NELL2: variants seen among roughly 807,000 people sequenced by gnomAD.
NELL2 encodes the protein protein kinase C-binding protein NELL2.
In NELL2, 41 loss-of-function variants were observed where a neutral mutation model predicts 109.6. The observed-to-expected ratio is 0.37, with a 90% CI of 0.29 to 0.49. The LOEUF is 0.49. Among genes scored for constraint, NELL2 ranks in the 20% least tolerant of loss-of-function variants. The pLI is 0.98. For missense variants in NELL2, 900 were observed against 1,008.3 expected, an observed-to-expected ratio of 0.89 and a Z score of 1.45; for synonymous variants, 355 against 344.7, an observed-to-expected ratio of 1.03 and a Z score of -0.33.
At chr12:44,634,656 A>G (rs1241333297) in intron 13 of NELL2, among the ~76,000 whole-genome samples, 2 of 152,224 alleles carry the variant, frequency 1.3e-5, no homozygotes, top group Non-Finnish European at 2.9e-5. Context: ...TCTTTATATT[A>G]GAATGATTAA....
At chr12:44,679,430 A>C (rs542197418) in intron 12 of NELL2, among the ~76,000 whole-genome samples, 5 of 152,246 alleles carry the variant, frequency 3.3e-5, no homozygotes, top group African/African-American at 1.2e-4. Context: ...ACAGGACTCA[A>C]AGCATGAACA....
rs185201260 is a variant in NELL2, at chr12:44,905,007, C to T, written c.38+8792G>A. On this transcript the variant is annotated intron_variant, in intron 1 of 20. Coordinates refer to the NELL2 transcript ENST00000333837. ...ACAAAAGTAACCTGAACACCAATGACTGGACCAAATTTTCTTCAACTTTAT... is the reference window on the plus strand; with the variant it reads ...ACAAAAGTAACCTGAACACCAATGATTGGACCAAATTTTCTTCAACTTTAT... 7.2e-5 allele frequency among the ~76,000 whole-genome samples: 11 copies of T among 152,168 alleles called. No homozygotes were observed. In the East Asian group the frequency reaches 1.5e-3, roughly 21 times the overall value.
At chr12:44,734,848 T>A (rs1054192383) in intron 9 of NELL2, among the ~76,000 whole-genome samples, 1 of 152,058 alleles carries the variant, frequency 6.6e-6, no homozygotes, top group Non-Finnish European at 1.5e-5. Context: ...TCACTATTTA[T>A]AACTAATTTT....
chr12:44,894,971 T>A (rs1173899567), intron 1 of NELL2, among the ~76,000 whole-genome samples: 1 of 152,226 alleles, frequency 6.6e-6, no homozygotes, highest in Non-Finnish European at 1.5e-5. Flanking sequence ...ATTCTCCCTT[T>A]ATATGCATCA....
At chr12:44,845,052 C>A (rs1443059432) in intron 2 of NELL2, among the ~76,000 whole-genome samples, 1 of 152,108 alleles carries the variant, frequency 6.6e-6, no homozygotes, top group African/African-American at 2.4e-5. Context: ...TCCCAAAATT[C>A]CAATATAGTT....
In NELL2 at chr12:44,875,220, C is replaced by T; in HGVS notation, c.184+5G>A. ...CACAGTGGGGATGCAGCACGCCGGG[C>T]ATACCTTGAAAGAGAAAGGCTTTCG... On this transcript the variant is annotated splice_donor_5th_base_variant and intron_variant, in intron 2 of 19. Coordinates refer to ENST00000429094, the MANE Select transcript of NELL2 (RefSeq NM_001145108.2). The T allele has an allele frequency of 1.2e-6, 2 of 1,608,326 alleles. No individual in the cohort carries two copies. The highest frequency in any genetic ancestry group is 1.7e-6 in the Non-Finnish European group (2 of 1,176,036).
intron 1 of NELL2, among the ~76,000 whole-genome samples, chr12:44,919,142 C>A (rs1282678961): frequency 1.3e-5 from 2 of 152,048 alleles, no homozygotes; most frequent in African/African-American, 4.8e-5. Context: ...CTACTTGTAG[C>A]CACAAACATC....
At chr12:44,636,863 C>T (rs1168933794) in intron 13 of NELL2, among the ~76,000 whole-genome samples, 2 of 151,450 alleles carry the variant, frequency 1.3e-5, no homozygotes, top group African/African-American at 4.8e-5. Context: ...TAGAATCCTG[C>T]TTTGATTCCG....
At chr12:44,715,554 C>T (rs1938440102) in intron 9 of NELL2, among the ~76,000 whole-genome samples, 2 of 151,956 alleles carry the variant, frequency 1.3e-5, no homozygotes, top group African/African-American at 4.8e-5. Flanking sequence ...CTAATGATGC[C>T]TAATTTTCAG....
In NELL2 at chr12:44,875,859, C is replaced by CGA; in HGVS notation, c.9_10dup (p.Arg4LeufsTer5). On this transcript the variant is annotated frameshift_variant, in exon 1 of 20. Transcript: ENST00000429094. LOFTEE classifies it high-confidence loss of function. ...CAAACAGAATGTTCTCAGTAAGACCCGAGACTCCATGGTGCGGATCAGCTC... is the reference window on the plus strand; with the variant it reads ...CAAACAGAATGTTCTCAGTAAGACCCGAGAGACTCCATGGTGCGGATCAGCTC... 1 of 1,613,962 alleles carries CGA rather than the reference C, an allele frequency of 6.2e-7. No individual in the cohort carries two copies. Among genetic ancestry groups the CGA allele is most frequent in the Non-Finnish European group, 8.5e-7 (1 of 1,180,014 alleles).
At chr12:44,692,220 G>C (rs1948921326) in intron 12 of NELL2, among the ~76,000 whole-genome samples, 1 of 152,072 alleles carries the variant, frequency 6.6e-6, no homozygotes, top group Non-Finnish European at 1.5e-5. Context: ...AAACCCTAGG[G>C]CCCTTAAGAA....
At chr12:44,767,536 G>T (rs1433677055) in intron 9 of NELL2, among the ~76,000 whole-genome samples, 1 of 151,824 alleles carries the variant, frequency 6.6e-6, no homozygotes, top group Non-Finnish European at 1.5e-5. Flanking sequence ...TTACTCTATA[G>T]AAAAAAGCCA....
At chr12:44,758,515 T>A (rs1940988017) in intron 9 of NELL2, among the ~76,000 whole-genome samples, 1 of 152,220 alleles carries the variant, frequency 6.6e-6, no homozygotes, top group Non-Finnish European at 1.5e-5. Flanking sequence ...TATTTACAGA[T>A]GCAATTGAGT....
rs557463300 is a variant in NELL2 at position 44,518,338 on chromosome 12, G to A, written c.2400+1667C>T. On this transcript the variant is annotated intron_variant, in intron 19 of 19. Coordinates refer to ENST00000429094, the MANE Select transcript of NELL2 (RefSeq NM_001145108.2). ...CAGCTCACTGCAAGCTCCACCTCCC[G>A]GGTTCACGCCATTCTCCTACCTCAG... Among the ~76,000 whole-genome samples the A allele has an allele frequency of 2.1e-3, 315 of 151,620 alleles. 1 individual carries two copies. The highest frequency in any genetic ancestry group is 4.6e-3 in the South Asian group (22 of 4,792).
At chr12:44,876,789 G>T, upstream of NELL2, 1 of 1,387,298 alleles carries the variant, frequency 7.2e-7, no homozygotes, top group South Asian at 1.6e-5. Context: ...TCCAGGGCGT[G>T]CGGAGGAAGG....
At chr12:44,585,583 A>G (rs2136216886) in intron 15 of NELL2, among the ~76,000 whole-genome samples, 1 of 152,302 alleles carries the variant, frequency 6.6e-6, no homozygotes. Flanking sequence ...TGTTCTCAAG[A>G]ACGAGACAGA....
At chr12:44,775,184 T>C (rs1393240711) in intron 8 of NELL2, among the ~76,000 whole-genome samples, 1 of 149,430 alleles carries the variant, frequency 6.7e-6, no homozygotes, top group Non-Finnish European at 1.5e-5. Context: ...ACATATCATG[T>C]TCCTGAATAA....
intron 2 of NELL2, among the ~76,000 whole-genome samples, chr12:44,825,558 G>C (rs1219850437): frequency 6.7e-6 from 1 of 150,078 alleles, no homozygotes; most frequent in Non-Finnish European, 1.5e-5. Flanking sequence ...ACCATGCCCA[G>C]CTAATTTTTG....
chr12:44,645,468 G>T (rs1314905348), intron 13 of NELL2, among the ~76,000 whole-genome samples: 1 of 152,082 alleles, frequency 6.6e-6, no homozygotes, highest in Admixed American at 6.5e-5. Context: ...ATATAAGTTG[G>T]GTGTCCAGAA....
Sources: gnomAD v4.1 joint callset for allele counts (sites outside exome capture counted in the v4.1 genomes callset) on GRCh38, gnomAD v4.1.1 for gene constraint, MANE v1.5 for transcripts, NCBI Gene and HGNC (gene_info 2026-07-23, HGNC 2026-07-21) for gene names.